The following CCDC3 variants were observed in gnomAD, a reference collection of about 807,000 sequenced individuals.
CCDC3 encodes coiled-coil domain-containing protein 3.
In CCDC3, 24 loss-of-function variants were observed where a neutral mutation model predicts 21.4. The ratio of observed to expected loss-of-function variants is 1.12; its 90% CI spans 0.81 to 1.58. The LOEUF (loss-of-function observed/expected upper bound fraction) is 1.58, where lower values mean the gene tolerates loss of function less well. Ranked by LOEUF, CCDC3 falls within the 40% of genes most tolerant of loss-of-function variation. The pLI, the probability that CCDC3 is intolerant of heterozygous loss-of-function variation, is 0.00. For synonymous variants in CCDC3, 186 were observed against 166.0 expected (o/e 1.12, Z -0.93); for missense variants, 425 against 360.9 (o/e 1.18, Z -1.44).
intron 2 of CCDC3, among the ~76,000 whole-genome samples, chr10:12,911,648 C>T (rs1488193824): frequency 6.6e-6 from 1 of 152,186 alleles, no homozygotes; most frequent in Admixed American, 6.5e-5. Flanking sequence ...TGTATCACCT[C>T]ACATACCATT....
intron 2 of CCDC3, among the ~76,000 whole-genome samples, chr10:12,985,430 T>G (rs1379080259): frequency 6.6e-6 from 1 of 152,234 alleles, no homozygotes. Flanking sequence ...CTTGGGCATT[T>G]ATAACAGAGA....
At chr10:13,045,488 C>T (rs1035610420) in intron 5 of CCDC3, among the ~76,000 whole-genome samples, 4 of 152,052 alleles carry the variant, frequency 2.6e-5, no homozygotes, top group South Asian at 4.2e-4. Context: ...AATAAGGCCA[C>T]GCACCTGTAG....
chr10:13,050,408 G>C (rs1365008949), intron 4 of CCDC3, among the ~76,000 whole-genome samples: 2 of 152,032 alleles, frequency 1.3e-5, no homozygotes, highest in Admixed American at 1.3e-4. Flanking sequence ...CCAGGGCTGG[G>C]CCTAGGCTTA....
At chr10:13,007,776 AT>A (rs1835941921) in intron 5 of CCDC3, among the ~76,000 whole-genome samples, 1 of 152,200 alleles carries the variant, frequency 6.6e-6, no homozygotes, top group Admixed American at 6.5e-5. Flanking sequence ...TATGTAAAAA[AT>A]ATTTTAAGTT....
chr10:13,068,388 G>T (rs751346963), intron 4 of CCDC3, among the ~76,000 whole-genome samples: 1 of 152,122 alleles, frequency 6.6e-6, no homozygotes, highest in African/African-American at 2.4e-5. Context: ...TGACTTAAAA[G>T]AGGATAAGCA....
chr10:12,916,354 C>G (rs1834356648), intron 2 of CCDC3, among the ~76,000 whole-genome samples: 1 of 151,468 alleles, frequency 6.6e-6, no homozygotes, highest in Admixed American at 6.6e-5. Context: ...ATCTCTTGAA[C>G]CTGGGAGGCG....
chr10:12,983,763 A>G (rs1224865022), intron 2 of CCDC3, among the ~76,000 whole-genome samples: 1 of 152,052 alleles, frequency 6.6e-6, no homozygotes, highest in Non-Finnish European at 1.5e-5. Context: ...TGACATCATT[A>G]GCCATGAGGG....
At chr10:12,949,834 G>A (rs779136225) in intron 2 of CCDC3, among the ~76,000 whole-genome samples, 1 of 152,194 alleles carries the variant, frequency 6.6e-6, no homozygotes, top group Non-Finnish European at 1.5e-5. Flanking sequence ...ATGGTAATGG[G>A]TGCAGAGACT....
intron 2 of CCDC3, among the ~76,000 whole-genome samples, chr10:12,966,205 T>C (rs1835259906): frequency 1.3e-5 from 2 of 151,960 alleles, no homozygotes; most frequent in Admixed American, 6.6e-5. Flanking sequence ...TATTACTATA[T>C]GGTACTCAGT....
At chr10:12,991,713 G>A (rs1835685510) in intron 2 of CCDC3, among the ~76,000 whole-genome samples, 1 of 152,078 alleles carries the variant, frequency 6.6e-6, no homozygotes, top group South Asian at 2.1e-4. Flanking sequence ...AGCCAACCAT[G>A]GCCTATGATT....
At position 13,072,382 on chromosome 10, in the gene CCDC3, T is replaced by C. The variant is rs962252931; in HGVS notation, c.-270+1486A>G. Among the ~76,000 whole-genome samples the C allele has an allele frequency of 2.6e-5, 4 of 152,296 alleles. No homozygotes were observed. In the South Asian group the frequency reaches 8.3e-4, roughly 32 times the overall value. ...ATCCTTACCTTATTCTAACCGCCGT[T>C]GGATGTACTTCTTTAGAGGGGGGAA... On this transcript the variant is annotated intron_variant, in intron 4 of 6. Transcript: ENST00000378839.
At chr10:12,922,367 A>C (rs1834466253) in intron 2 of CCDC3, among the ~76,000 whole-genome samples, 1 of 151,326 alleles carries the variant, frequency 6.6e-6, no homozygotes, top group Non-Finnish European at 1.5e-5. Flanking sequence ...CCTGCATCCC[A>C]CCCTCCCATC....
intron 2 of CCDC3, among the ~76,000 whole-genome samples, chr10:12,968,202 T>TAC (rs71386134): frequency 0.07 from 9,994 of 143,532 alleles, 546 homozygotes; most frequent in African/African-American, 0.14. Context: ...CACACACACA[T>TAC]ACACACACAC....
intron 2 of CCDC3, among the ~76,000 whole-genome samples, chr10:12,984,019 G>A (rs561816193): frequency 2.3e-4 from 35 of 152,322 alleles, no homozygotes; most frequent in African/African-American, 8.4e-4. Context: ...GACAGAGGCT[G>A]CATTGAGCCA....
intron 2 of CCDC3, among the ~76,000 whole-genome samples, chr10:12,957,599 C>A (rs72777425): frequency 0.51 from 78,258 of 151,996 alleles, 22,749 homozygotes; most frequent in Non-Finnish European, 0.65. Context: ...CAAATGGCTT[C>A]GCACCATTCC....
intron 2 of CCDC3, among the ~76,000 whole-genome samples, chr10:12,902,757 G>T (rs1056105370): frequency 2.0e-5 from 3 of 152,188 alleles, no homozygotes; most frequent in Admixed American, 2.0e-4. Context: ...ACTCTTCACA[G>T]TTAGCCCTCG....
chr10:13,045,389 G>A (rs1304994978), intron 5 of CCDC3, among the ~76,000 whole-genome samples: 2 of 151,830 alleles, frequency 1.3e-5, no homozygotes, highest in East Asian at 1.9e-4. Context: ...GCCTGTAATC[G>A]CAGCACTTTG....
chr10:13,046,520 T>C (rs1222353603), intron 5 of CCDC3, among the ~76,000 whole-genome samples: 2 of 148,836 alleles, frequency 1.3e-5, no homozygotes, highest in Non-Finnish European at 3.0e-5. Context: ...CTGGCCAATG[T>C]GGTGAAACCC....
chr10:12,969,743 TAA>T (rs1248972760), intron 2 of CCDC3, among the ~76,000 whole-genome samples: 3 of 149,682 alleles, frequency 2.0e-5, no homozygotes, highest in African/African-American at 7.3e-5. Context: ...CTAATATTTT[TAA>T]AAAATATTTT....
Sources: gnomAD v4.1 joint callset for allele counts (sites outside exome capture counted in the v4.1 genomes callset) on GRCh38, gnomAD v4.1.1 for gene constraint, MANE v1.5 for transcripts, NCBI Gene and HGNC (gene_info 2026-07-23, HGNC 2026-07-21) for gene names.